The following PCDH7 variants were observed in gnomAD, a reference collection of about 807,000 sequenced individuals.
The protein encoded by PCDH7 is protocadherin 7.
Under a neutral mutation model 58.9 loss-of-function variants are expected in PCDH7, and 17 were observed. That is an observed-to-expected ratio of 0.29 (90% CI 0.20 to 0.43). PCDH7 has a LOEUF of 0.43. Among genes scored for constraint, PCDH7 ranks in the 20% least tolerant of loss-of-function variants. The pLI is 1.00. For missense variants in PCDH7, 1,274 were observed against 1,441.0 expected (o/e 0.88, Z 1.88); for synonymous variants, 664 against 616.4 (o/e 1.08, Z -1.14).
intron 2 of PCDH7, among the ~76,000 whole-genome samples, chr4:30,932,888 C>T (rs185018382): frequency 5.3e-5 from 8 of 152,220 alleles, no homozygotes; most frequent in African/African-American, 1.9e-4. Context: ...GAGAATATCC[C>T]ATTCAGTAGA....
intron 2 of PCDH7, among the ~76,000 whole-genome samples, chr4:30,930,878 G>A (rs2092070616): frequency 4.6e-5 from 7 of 152,168 alleles, no homozygotes; most frequent in Admixed American, 4.6e-4. Flanking sequence ...GTCCCAGGCT[G>A]CAGTGAGCTT....
At chr4:31,132,258 A>G (rs1719082025) in intron 3 of PCDH7, among the ~76,000 whole-genome samples, 1 of 152,116 alleles carries the variant, frequency 6.6e-6, no homozygotes, top group South Asian at 2.1e-4. Flanking sequence ...GAAAATATCT[A>G]TTACATTTTT....
intron 3 of PCDH7, among the ~76,000 whole-genome samples, chr4:31,109,579 TG>T (rs958088010): frequency 9.8e-5 from 15 of 152,366 alleles, no homozygotes; most frequent in African/African-American, 3.6e-4. Flanking sequence ...TAGGTTTGAA[TG>T]TGTTTATTTA....
chr4:30,844,025 A>T (rs1351262142), intron 1 of PCDH7, among the ~76,000 whole-genome samples: 1 of 152,214 alleles, frequency 6.6e-6, no homozygotes, highest in Non-Finnish European at 1.5e-5. Context: ...AATTACTTGC[A>T]CTGTATGGTT....
intron 1 of PCDH7, among the ~76,000 whole-genome samples, chr4:30,805,877 T>C (rs28647449): frequency 0.018 from 2,748 of 152,320 alleles, 92 homozygotes; most frequent in African/African-American, 0.062. Context: ...ATGGAGTGAC[T>C]TCTCTAAAGT....
intron 1 of PCDH7, among the ~76,000 whole-genome samples, chr4:30,911,339 AG>A (rs1377028455): frequency 1.5e-5 from 2 of 135,428 alleles, no homozygotes; most frequent in African/African-American, 5.4e-5. Context: ...CCCAAAAAAA[AG>A]AACTACTAGA....
intron 3 of PCDH7, among the ~76,000 whole-genome samples, chr4:31,140,137 G>A (rs1309438548): frequency 6.6e-6 from 1 of 152,230 alleles, no homozygotes; most frequent in African/African-American, 2.4e-5. Context: ...CTTATGAGCT[G>A]TAGGTAGTTT....
At chr4:31,120,198 A>G (rs2109322269) in intron 3 of PCDH7, among the ~76,000 whole-genome samples, 2 of 151,876 alleles carry the variant, frequency 1.3e-5, no homozygotes, top group East Asian at 3.9e-4. Flanking sequence ...ACCTTTCTCT[A>G]TTTTATTTTT....
intron 3 of PCDH7, among the ~76,000 whole-genome samples, chr4:30,978,622 A>G (rs1231948252): frequency 1.3e-5 from 2 of 152,176 alleles, no homozygotes; most frequent in Non-Finnish European, 2.9e-5. Flanking sequence ...GCAAGAAAAA[A>G]ATATTGGAAT....
intron 3 of PCDH7, among the ~76,000 whole-genome samples, chr4:31,063,813 C>G (rs1380581983): frequency 6.6e-6 from 1 of 151,888 alleles, no homozygotes; most frequent in African/African-American, 2.4e-5. Context: ...GATGTTATCT[C>G]TTGTATGTAT....
intron 3 of PCDH7, among the ~76,000 whole-genome samples, chr4:31,076,840 A>G (rs1263507970): frequency 6.6e-6 from 1 of 152,172 alleles, no homozygotes; most frequent in Non-Finnish European, 1.5e-5. Flanking sequence ...ATGATGAAAC[A>G]ATTCTTATTC....
At chr4:30,737,093 T>G (rs565819831), downstream of PCDH7, among the ~76,000 whole-genome samples, 22 of 152,112 alleles carry the variant, frequency 1.4e-4, no homozygotes, top group Non-Finnish European at 2.9e-4. Context: ...AAATCTGCCT[T>G]CTAGCCCCAG....
At chr4:30,867,068 G>A (rs1247909932) in intron 1 of PCDH7, among the ~76,000 whole-genome samples, 1 of 152,002 alleles carries the variant, frequency 6.6e-6, no homozygotes, top group Non-Finnish European at 1.5e-5. Context: ...CCATCTAGAT[G>A]GAATTAGAGA....
intron 3 of PCDH7, among the ~76,000 whole-genome samples, chr4:31,032,704 G>C (rs1296020990): frequency 7.9e-6 from 1 of 126,600 alleles, no homozygotes; most frequent in African/African-American, 2.8e-5. Context: ...GGGAGGGAGG[G>C]AGAGAGGGAG....
chr4:30,956,001 G>A (rs968315117), intron 3 of PCDH7, among the ~76,000 whole-genome samples: 33 of 151,052 alleles, frequency 2.2e-4, no homozygotes, highest in African/African-American at 7.5e-4. Flanking sequence ...TGGCTAACAC[G>A]GTGAAACCCT....
chr4:30,763,096 G>A (rs765585700), intron 1 of PCDH7, among the ~76,000 whole-genome samples: 1 of 152,070 alleles, frequency 6.6e-6, no homozygotes, highest in Non-Finnish European at 1.5e-5. Context: ...TACAAAATTA[G>A]CCTGTAATCC....
At chr4:30,724,057 A>G in exon 1 of PCDH7, 38 of 1,614,138 alleles carry the variant, frequency 2.4e-5, no homozygotes, top group Non-Finnish European at 3.1e-5. Flanking sequence ...ACAGAGACTC[A>G]GTATTGTCAT....
intron 3 of PCDH7, among the ~76,000 whole-genome samples, chr4:31,051,960 G>A (rs1756779373): frequency 6.6e-6 from 1 of 151,934 alleles, no homozygotes; most frequent in Admixed American, 6.6e-5. Context: ...CTTATCAGTG[G>A]TATTCTGACG....
intron 1 of PCDH7, among the ~76,000 whole-genome samples, chr4:30,765,968 A>G (rs1213845269): frequency 6.6e-6 from 1 of 152,036 alleles, no homozygotes; most frequent in Non-Finnish European, 1.5e-5. Flanking sequence ...ATTGGGAGGG[A>G]GCAGGGAAGA....
Sources: allele counts gnomAD v4.1 joint callset (sites outside exome capture counted in the v4.1 genomes callset), GRCh38; gene constraint gnomAD v4.1.1; transcripts MANE v1.5; gene names NCBI Gene and HGNC (gene_info 2026-07-23, HGNC 2026-07-21).